The following ZNHIT6 variants were observed in gnomAD, a reference collection of about 807,000 sequenced individuals.
ZNHIT6 encodes zinc finger HIT-type containing 6.
ZNHIT6 carries 45 observed loss-of-function variants against 57.2 expected under a neutral mutation model. The ratio of observed to expected loss-of-function variants is 0.79; its 90% CI spans 0.62 to 1.01. ZNHIT6 has a LOEUF of 1.01. Among genes scored for constraint, ZNHIT6 ranks in the 50% least tolerant of loss-of-function variants. ZNHIT6 has a pLI of 0.00. For missense variants in ZNHIT6, 528 were observed against 567.3 expected (o/e 0.93, Z 0.70); for synonymous variants, 188 against 190.0 (o/e 0.99, Z 0.09).
intron 5 of ZNHIT6, among the ~76,000 whole-genome samples, chr1:85,681,444 A>C (rs1661870246): frequency 6.6e-6 from 1 of 152,226 alleles, no homozygotes; most frequent in Non-Finnish European, 1.5e-5. Flanking sequence ...TAAATGTCTG[A>C]TTTTAGAAAA....
chr1:85,657,737 AAGTGTGTAAATAT>A, intron 9 of ZNHIT6, 97 bp downstream of exon 9: 1 of 1,036,078 alleles, frequency 9.7e-7, no homozygotes, highest in South Asian at 1.6e-5. Context: ...TAGATCCTGT[AAGTGTGTAAATAT>A]AGTGGGAAAA....
chr1:85,672,387 A>T (rs1176690190), intron 8 of ZNHIT6, among the ~76,000 whole-genome samples: 4 of 151,934 alleles, frequency 2.6e-5, no homozygotes, highest in Admixed American at 2.0e-4. Context: ...CTTAACTTTT[A>T]AAAAAAAGTT....
chr1:85,697,551 CTATT>C (rs1299305559), intron 5 of ZNHIT6, among the ~76,000 whole-genome samples: 6 of 152,104 alleles, frequency 3.9e-5, no homozygotes, highest in Non-Finnish European at 1.5e-5. Context: ...ACCAAATATA[CTATT>C]TATTTTCTAT....
At chr1:85,704,538 T>C (rs1417036435) in intron 4 of ZNHIT6, among the ~76,000 whole-genome samples, 1 of 152,186 alleles carries the variant, frequency 6.6e-6, no homozygotes, top group African/African-American at 2.4e-5. Flanking sequence ...TGAATATTCA[T>C]TTTATAATTA....
intron 9 of ZNHIT6, among the ~76,000 whole-genome samples, chr1:85,657,495 TAA>T (rs1039254914): frequency 6.6e-6 from 1 of 151,328 alleles, no homozygotes; most frequent in African/African-American, 2.4e-5. Flanking sequence ...TAGAAATGTC[TAA>T]AGTCTTAACT....
In ZNHIT6 at chr1:85,677,249, G is replaced by A. The variant is rs1217004992; in HGVS notation, c.1234C>T (p.Gln412Ter). The A allele has an allele frequency of 6.2e-7, 1 of 1,603,312 alleles. No homozygotes were observed. The highest frequency in any genetic ancestry group is 8.5e-7 in the Non-Finnish European group (1 of 1,176,776). ...QILMKIEYMQ[Q>*]NLVRYYELDP... ...GAGCAATTTTACCTTACTAAATTTT[G>A]CTGCATATATTCAATCTTCATTAAA... Residue 412 changes from glutamine to a stop codon, truncating the protein, a stop_gained, in exon 8 of 10, where the codon CAA becomes TAA. Coordinates refer to ENST00000370574, the MANE Select transcript of ZNHIT6 (RefSeq NM_017953.4). LOFTEE classifies it high-confidence loss of function.
intron 5 of ZNHIT6, among the ~76,000 whole-genome samples, chr1:85,683,913 CCACTAGGAA>C (rs1034920162): frequency 9.2e-5 from 14 of 152,002 alleles, no homozygotes; most frequent in Admixed American, 5.9e-4. Flanking sequence ...GATGAGTGTT[CCACTAGGAA>C]CACTCATACA....
At chr1:85,682,409 A>G (rs953508699) in intron 5 of ZNHIT6, among the ~76,000 whole-genome samples, 18 of 152,084 alleles carry the variant, frequency 1.2e-4, no homozygotes, top group African/African-American at 4.3e-4. Context: ...AGGATTACCA[A>G]CTTGCCATCT....
Position 85,651,153 on chromosome 1 carries a change from G to A in ZNHIT6, c.*2905C>T, listed in dbSNP as rs1238177009. ...GATTAACATTTTAATTATATGTCAT[G>A]AAACCCAAATCCCACTACTTGCTAC... On this transcript the variant is annotated 3_prime_UTR_variant, in exon 10 of 10. Coordinates refer to ENST00000370574, the MANE Select transcript of ZNHIT6 (RefSeq NM_017953.4). 1 of 152,110 alleles carries A rather than the reference G, an allele frequency of 6.6e-6. No individual in the cohort carries two copies. The highest frequency in any genetic ancestry group is 1.5e-5 in the Non-Finnish European group (1 of 68,012). 9.4% of individuals were successfully genotyped at this position (152,110 alleles called of 1,614,324 possible).
chr1:85,682,676 A>G (rs774227154), intron 5 of ZNHIT6, among the ~76,000 whole-genome samples: 1 of 152,230 alleles, frequency 6.6e-6, no homozygotes, highest in Non-Finnish European at 1.5e-5. Flanking sequence ...TCACACATGA[A>G]CAAATCTGAA....
chr1:85,695,320 T>C (rs1452779269), intron 5 of ZNHIT6, among the ~76,000 whole-genome samples: 1 of 152,056 alleles, frequency 6.6e-6, no homozygotes, highest in East Asian at 1.9e-4. Context: ...AAAAAGCATA[T>C]TTTTATGAGA....
chr1:85,675,123 C>T (rs1025956798), intron 8 of ZNHIT6, among the ~76,000 whole-genome samples: 36 of 152,162 alleles, frequency 2.4e-4, no homozygotes, highest in African/African-American at 6.3e-4. Flanking sequence ...AAGGAAACTG[C>T]TCTCATGCCA....
At chr1:85,655,706 C>A (rs936337822) in intron 9 of ZNHIT6, among the ~76,000 whole-genome samples, 1 of 152,142 alleles carries the variant, frequency 6.6e-6, no homozygotes, top group Non-Finnish European at 1.5e-5. Flanking sequence ...TTACACCATT[C>A]TGAGCACTTC....
intron 5 of ZNHIT6, among the ~76,000 whole-genome samples, chr1:85,696,651 T>A (rs1662379233): frequency 6.6e-6 from 1 of 152,072 alleles, no homozygotes; most frequent in African/African-American, 2.4e-5. Flanking sequence ...AGATGTAATA[T>A]ACATTTTATA....
At position 85,708,433 on chromosome 1, in the gene ZNHIT6, T is replaced by C; in HGVS notation, c.-149A>G. 3 of 984,836 alleles carry C rather than the reference T, an allele frequency of 3.0e-6. No individual in the cohort carries two copies. Among genetic ancestry groups the C allele is most frequent in the South Asian group, 1.7e-5 (1 of 58,422 alleles). 61.0% of individuals were successfully genotyped at this position (984,836 alleles called of 1,614,324 possible). On this transcript the variant is annotated 5_prime_UTR_variant, in exon 1 of 10. Coordinates refer to ENST00000370574, the MANE Select transcript of ZNHIT6 (RefSeq NM_017953.4). ...CCCGGAATAGCCTGCTTGACGCGAC[T>C]GCTCGAATCGCCGTAAAGCTACGCT...
intron 5 of ZNHIT6, among the ~76,000 whole-genome samples, chr1:85,683,850 T>G (rs1004361586): frequency 6.6e-6 from 1 of 152,066 alleles, no homozygotes; most frequent in African/African-American, 2.4e-5. Flanking sequence ...TGCAAAGGAC[T>G]TGGTCCTTTG....
At chr1:85,657,782 G>A (rs908013935) in intron 9 of ZNHIT6, 65 bp downstream of exon 9, 1 of 1,450,170 alleles carries the variant, frequency 6.9e-7, no homozygotes, top group East Asian at 2.3e-5. Context: ...AAATAAGGGT[G>A]GACATATTTT....
rs138334236 is a variant in ZNHIT6 at position 85,693,043 on chromosome 1, T to C, written c.1019+9114A>G. On this transcript the variant is annotated intron_variant, in intron 5 of 9. Transcript: ENST00000370574. ...ACACAAACACAGAGCTAAAGAACCC[T>C]AGTTCAAAAGAATAAATTGAAAAGT... Among the ~76,000 whole-genome samples, 768 of 152,286 alleles carry C rather than the reference T, an allele frequency of 5.0e-3. 4 individuals are homozygous for C. The highest frequency in any genetic ancestry group is 0.017 in the African/African-American group (726 of 41,558).
rs745541400 is a variant in ZNHIT6, at chr1:85,658,009, C to A, written c.1248-38G>T. On this transcript the variant is annotated intron_variant, in intron 8 of 9. Coordinates refer to ENST00000370574, the MANE Select transcript of ZNHIT6 (RefSeq NM_017953.4). ...AAAAAACAAAAAACCAGGAAACACT[C>A]TTAATATTCAAAATTACTAATAGAT... 1.9e-5 allele frequency: 26 copies of A among 1,337,218 alleles called. No homozygotes were observed. The South Asian group carries it at 3.7e-4, about 19-fold the overall frequency. 82.8% of individuals were successfully genotyped at this position (1,337,218 alleles called of 1,614,324 possible). A position where few individuals can be genotyped will look rare whatever the true frequency, so the allele number is the denominator to read the frequency against.
Sources: allele counts gnomAD v4.1 joint callset (sites outside exome capture counted in the v4.1 genomes callset), GRCh38; gene constraint gnomAD v4.1.1; transcripts MANE v1.5; gene names NCBI Gene and HGNC (gene_info 2026-07-23, HGNC 2026-07-21).